Variants in PM20D2 observed in about 807,000 individuals in gnomAD.
PM20D2 encodes peptidase M20 domain containing 2, also known as xaa-Arg dipeptidase.
Under a neutral mutation model 42.9 loss-of-function variants are expected in PM20D2, and 33 were observed. That is an observed-to-expected ratio of 0.77 (90% CI 0.58 to 1.03). The LOEUF (loss-of-function observed/expected upper bound fraction) is 1.03, where lower values mean the gene tolerates loss of function less well. PM20D2 is among the 50% of genes least tolerant of loss of function. The pLI is 0.00. For synonymous variants in PM20D2, 250 were observed against 228.2 expected, an observed-to-expected ratio of 1.10 and a Z score of -0.86; for missense variants, 548 against 557.0, an observed-to-expected ratio of 0.98 and a Z score of 0.16.
the PM20D2 span, among the ~76,000 whole-genome samples, chr6:89,120,937 T>G: frequency 6.6e-6 from 1 of 152,186 alleles, no homozygotes; most frequent in Non-Finnish European, 1.5e-5. Flanking sequence ...TCTATTCTAT[T>G]TTTACCTATT....
the PM20D2 span, among the ~76,000 whole-genome samples, chr6:89,136,492 A>T: frequency 6.6e-6 from 1 of 150,774 alleles, no homozygotes; most frequent in Non-Finnish European, 1.5e-5. Flanking sequence ...CCTGGCTAAC[A>T]CGGTGAAACC....
intron 2 of PM20D2, among the ~76,000 whole-genome samples, chr6:89,151,196 T>G (rs1770824452): frequency 6.7e-6 from 1 of 148,594 alleles, no homozygotes; most frequent in African/African-American, 2.5e-5. Context: ...CAAGAATTCA[T>G]TTTTTTTTAA....
chr6:89,142,502 T>A (rs1217900390), upstream of PM20D2, among the ~76,000 whole-genome samples: 1 of 152,336 alleles, frequency 6.6e-6, no homozygotes. Context: ...CAAGTATTGT[T>A]AAACTGAAAC....
upstream of PM20D2, among the ~76,000 whole-genome samples, chr6:89,141,622 T>C (rs1428620261): frequency 6.6e-6 from 1 of 152,184 alleles, no homozygotes; most frequent in Non-Finnish European, 1.5e-5. Context: ...CATCTCGGCC[T>C]CCCAAAGTGC....
chr6:89,102,772 G>GA, the PM20D2 span, among the ~76,000 whole-genome samples: 14 of 152,178 alleles, frequency 9.2e-5, no homozygotes, highest in Admixed American at 7.9e-4. Flanking sequence ...TTTGTTGTGA[G>GA]ACAGAGTCTT....
the PM20D2 span, chr6:89,117,803 C>G: frequency 1.3e-6 from 2 of 1,546,586 alleles, no homozygotes; most frequent in African/African-American, 1.4e-5. Context: ...CGCCCCCAAC[C>G]TGCAGCCGCG....
chr6:89,112,332 T>C, the PM20D2 span, among the ~76,000 whole-genome samples: 2 of 150,976 alleles, frequency 1.3e-5, no homozygotes, highest in Admixed American at 1.3e-4. Context: ...AAAAATTTGT[T>C]TTGTTTTAAA....
At chr6:89,138,306 G>A in the PM20D2 span, among the ~76,000 whole-genome samples, 4 of 152,120 alleles carry the variant, frequency 2.6e-5, no homozygotes, top group South Asian at 4.1e-4. Flanking sequence ...TGTTCCTGGA[G>A]AAAGAAATTG....
At chr6:89,131,215 T>TC in the PM20D2 span, among the ~76,000 whole-genome samples, 1 of 152,230 alleles carries the variant, frequency 6.6e-6, no homozygotes, top group Admixed American at 6.5e-5. Context: ...AACTCATTAA[T>TC]CCATGAATGG....
chr6:89,094,225 AT>A, the PM20D2 span, among the ~76,000 whole-genome samples: 1 of 144,370 alleles, frequency 6.9e-6, no homozygotes. Context: ...CGGCCTCTTT[AT>A]TTTTTTTTAT....
At chr6:89,097,715 A>C in the PM20D2 span, 1 of 152,186 alleles carries the variant, frequency 6.6e-6, no homozygotes. Flanking sequence ...TTCCATATAA[A>C]GTTGAGCAAG....
rs543476250 is a variant in PM20D2 at position 89,147,623 on chromosome 6, A to G, written c.465+1014A>G. On this transcript the variant is annotated intron_variant, in intron 1 of 6. Transcript: ENST00000275072. ...GTCAGCGAGAGACATATCGTATTTAATGAGTTAAGGGTCAAGAATGAAGAG... is the reference window on the plus strand; with the variant it reads ...GTCAGCGAGAGACATATCGTATTTAGTGAGTTAAGGGTCAAGAATGAAGAG... Among the ~76,000 whole-genome samples the G allele has an allele frequency of 2.0e-5, 3 of 152,062 alleles. No individual in the cohort carries two copies. The South Asian group carries it at 6.2e-4, about 32-fold the overall frequency.
chr6:89,161,154 G>A (rs1434690944), intron 5 of PM20D2, among the ~76,000 whole-genome samples: 1 of 152,156 alleles, frequency 6.6e-6, no homozygotes, highest in Non-Finnish European at 1.5e-5. Context: ...TAGGTGGAGT[G>A]GAGGTAGAAG....
At chr6:89,112,767 T>C in the PM20D2 span, among the ~76,000 whole-genome samples, 1 of 152,210 alleles carries the variant, frequency 6.6e-6, no homozygotes, top group Non-Finnish European at 1.5e-5. Context: ...AATATAGTTA[T>C]GCACCACATA....
chr6:89,160,252 C>T (rs1015956197), intron 5 of PM20D2, among the ~76,000 whole-genome samples: 3 of 152,122 alleles, frequency 2.0e-5, no homozygotes, highest in African/African-American at 7.2e-5. Flanking sequence ...GCTACTATGC[C>T]TCAAAGTCTG....
chr6:89,113,784 A>G, the PM20D2 span, among the ~76,000 whole-genome samples: 1 of 152,112 alleles, frequency 6.6e-6, no homozygotes, highest in South Asian at 2.1e-4. Flanking sequence ...GCTGAACTAC[A>G]GGTGCGCACT....
chr6:89,146,203 T>G lies in PM20D2; in HGVS notation c.59T>G (p.Leu20Arg). 11 of 1,563,476 alleles carry G rather than the reference T, an allele frequency of 7.0e-6. No homozygotes were observed. Among genetic ancestry groups the G allele is most frequent in the Non-Finnish European group, 9.5e-6 (11 of 1,162,910 alleles). Reference sequence around the variant, plus strand: ...GGCGCGTGCAATGGCCGCTCCGAGCTGGAGCTACTGAAGCTGCGCTCGGCG... The same window carrying G: ...GGCGCGTGCAATGGCCGCTCCGAGCGGGAGCTACTGAAGCTGCGCTCGGCG... ...EGGACNGRSE[L>R]ELLKLRSAEC... The change falls in exon 1 of 7, where the codon CTG (leucine) becomes CGG (arginine). Residue 20 changes from leucine (L) to arginine (R), a missense_variant. By Grantham distance (102) the Leu-to-Arg change is moderately radical. Around this residue, in one of 3 missense-constraint regions of PM20D2, gnomAD observed 470 missense variants for 464.4 expected, o/e 1.01. Coordinates refer to ENST00000275072, the MANE Select transcript of PM20D2 (RefSeq NM_001010853.3).
intron 3 of PM20D2, among the ~76,000 whole-genome samples, chr6:89,154,513 T>C (rs1248464479): frequency 6.6e-6 from 1 of 152,224 alleles, no homozygotes; most frequent in Admixed American, 6.5e-5. Flanking sequence ...TGTAAATTCT[T>C]CTGAATGAAG....
At chr6:89,104,223 C>CTTT in the PM20D2 span, among the ~76,000 whole-genome samples, 1 of 123,564 alleles carries the variant, frequency 8.1e-6, no homozygotes, top group African/African-American at 3.2e-5. Flanking sequence ...AACTCATCAC[C>CTTT]TTTTTTTTTT....
Sources: allele counts gnomAD v4.1 joint callset (sites outside exome capture counted in the v4.1 genomes callset), GRCh38; gene constraint gnomAD v4.1.1; regional missense constraint gnomAD v4.1.1; transcripts MANE v1.5; gene names NCBI Gene and HGNC (gene_info 2026-07-23, HGNC 2026-07-21).